Variants in DLC1 observed in about 807,000 individuals in gnomAD.
DLC1 encodes DLC1 Rho GTPase activating protein.
In DLC1, 54 loss-of-function variants were observed where a neutral mutation model predicts 140.3. That is an observed-to-expected ratio of 0.38 (90% CI 0.31 to 0.48). The LOEUF (loss-of-function observed/expected upper bound fraction) is 0.48. DLC1 is among the 20% of genes least tolerant of loss of function. DLC1 has a pLI of 0.96. For missense variants in DLC1, 2,536 were observed against 1,907.0 expected, an observed-to-expected ratio of 1.33 and a Z score of -6.14; for synonymous variants, 986 against 728.1, an observed-to-expected ratio of 1.35 and a Z score of -5.70.
chr8:13,097,203 C>A (rs931715827), intron 10 of DLC1, among the ~76,000 whole-genome samples: 2 of 151,804 alleles, frequency 1.3e-5, no homozygotes, highest in African/African-American at 4.8e-5. Context: ...AAAAAGTAAC[C>A]TGAATTCTTT....
intron 5 of DLC1, among the ~76,000 whole-genome samples, chr8:13,219,158 A>ATGTGAATATAATTATATG (rs374583105): frequency 2.2e-5 from 1 of 45,838 alleles, no homozygotes; most frequent in African/African-American, 1.0e-4. Context: ...ATATAATTAT[A>ATGTGAATATAATTATATG]TGAATATAAC....
intron 4 of DLC1, among the ~76,000 whole-genome samples, chr8:13,334,406 A>T (rs1227903576): frequency 2.0e-5 from 3 of 152,138 alleles, no homozygotes; most frequent in Non-Finnish European, 2.9e-5. Flanking sequence ...TGTTGGCAGA[A>T]ATGGGGAGCA....
chr8:13,495,592 C>G (rs950798659), intron 2 of DLC1, among the ~76,000 whole-genome samples: 1 of 152,064 alleles, frequency 6.6e-6, no homozygotes. Context: ...TTGTGATCCC[C>G]TATATACTAC....
chr8:13,174,266 C>T lies in DLC1; in HGVS notation c.1349-58609G>A, dbSNP rs572752329. 2.0e-5 allele frequency among the ~76,000 whole-genome samples: 3 copies of T among 152,290 alleles called. No homozygotes were observed. The East Asian group carries it at 5.8e-4, about 29-fold the overall frequency. On this transcript the variant is annotated intron_variant, in intron 5 of 17. Coordinates refer to ENST00000276297, the MANE Select transcript of DLC1 (RefSeq NM_182643.3). The stretch of plus-strand genomic sequence containing the variant: ...ACATTTTCTTTATCCAACCCACTGT[C>T]GATGAGCACCTAGGTTGATTCTATG...
chr8:13,576,401 C>T (rs1804837708), intron 1 of DLC1, among the ~76,000 whole-genome samples: 1 of 152,060 alleles, frequency 6.6e-6, no homozygotes, highest in Non-Finnish European at 1.5e-5. Context: ...GACACAATTC[C>T]AGAAGGAACA....
chr8:13,396,261 G>C (rs12679709), intron 3 of DLC1, among the ~76,000 whole-genome samples: 35,558 of 151,488 alleles, frequency 0.23, 4,813 homozygotes, highest in Admixed American at 0.29. Context: ...GGGTTTCATC[G>C]TATTAGCCAG....
intron 2 of DLC1, among the ~76,000 whole-genome samples, chr8:13,495,005 C>A (rs928526977): frequency 6.6e-6 from 1 of 152,062 alleles, no homozygotes; most frequent in African/African-American, 2.4e-5. Flanking sequence ...CCCTAACATT[C>A]ATTTAATTTG....
intron 5 of DLC1, among the ~76,000 whole-genome samples, chr8:13,240,762 C>T (rs774146226): frequency 6.6e-6 from 1 of 152,148 alleles, no homozygotes; most frequent in South Asian, 2.1e-4. Context: ...GTAACTTTCA[C>T]TGCCTAAGTT....
intron 1 of DLC1, among the ~76,000 whole-genome samples, chr8:13,587,074 G>A (rs1202326571): frequency 1.2e-5 from 1 of 83,136 alleles, no homozygotes; most frequent in Non-Finnish European, 2.4e-5. Context: ...TGGGAAAATA[G>A]TTTACACACA....
chr8:13,570,148 G>C (rs918964982), intron 1 of DLC1, among the ~76,000 whole-genome samples: 1 of 152,166 alleles, frequency 6.6e-6, no homozygotes, highest in African/African-American at 2.4e-5. Context: ...AGGTCACATA[G>C]TGGTTCTTTA....
At chr8:13,373,976 G>A (rs537693902) in intron 4 of DLC1, among the ~76,000 whole-genome samples, 33 of 152,260 alleles carry the variant, frequency 2.2e-4, no homozygotes, top group African/African-American at 7.9e-4. Context: ...TTGCAAAGAT[G>A]TCATCTAAGT....
chr8:13,164,573 A>G (rs59956058), intron 5 of DLC1, among the ~76,000 whole-genome samples: 1,816 of 152,252 alleles, frequency 0.012, 34 homozygotes, highest in African/African-American at 0.038. Flanking sequence ...GATCTTATCT[A>G]TATGAGCATA....
rs139851287 is a variant in DLC1 at position 13,088,591 on chromosome 8, C to T, written c.4188G>A (p.Leu1396=). The T allele has an allele frequency of 1.9e-6, 3 of 1,614,046 alleles. No homozygotes were observed. Among genetic ancestry groups the T allele is most frequent in the South Asian group, 1.1e-5 (1 of 91,074 alleles). The change falls in exon 16 of 18, where the codon CTG becomes CTA. Residue 1396 remains leucine (L), a synonymous_variant. Coordinates refer to ENST00000276297, the MANE Select transcript of DLC1 (RefSeq NM_182643.3). ...GAATTTCGATCACTTTTGAATCCAA[C>T]AGGTCTACATCCCAGAGGTGCTGTT... ...LKEQHLWDVD[L]LDSKVIEILD...
intron 5 of DLC1, among the ~76,000 whole-genome samples, chr8:13,280,250 T>C (rs1447512592): frequency 7.8e-6 from 1 of 128,704 alleles, no homozygotes; most frequent in East Asian, 2.3e-4. Flanking sequence ...ATCGCACCAC[T>C]GCACTCCAGC....
intron 14 of DLC1, 131 bp from the exon 15 acceptor site, chr8:13,090,601 G>T: frequency 9.7e-7 from 1 of 1,033,760 alleles, no homozygotes; most frequent in East Asian, 2.6e-5. Flanking sequence ...CCCGCCGGAG[G>T]TGGGCTATCA....
intron 5 of DLC1, among the ~76,000 whole-genome samples, chr8:13,299,293 A>C (rs1436828100): frequency 6.6e-6 from 1 of 151,714 alleles, no homozygotes; most frequent in Non-Finnish European, 1.5e-5. Context: ...AAATATAAAA[A>C]AAAAATTAGC....
chr8:13,526,637 C>G (rs765956412), intron 1 of DLC1, among the ~76,000 whole-genome samples: 20 of 151,986 alleles, frequency 1.3e-4, no homozygotes, highest in Non-Finnish European at 2.4e-4. Context: ...ATGGATGAAG[C>G]TGGAAAACAT....
At chr8:13,553,880 C>T (rs1234745923) in intron 1 of DLC1, among the ~76,000 whole-genome samples, 1 of 151,712 alleles carries the variant, frequency 6.6e-6, no homozygotes, top group East Asian at 1.9e-4. Flanking sequence ...TATATTTGAA[C>T]ACTTCCTTCT....
chr8:13,499,848 C>T lies in DLC1; in HGVS notation c.224G>A (p.Gly75Glu), dbSNP rs1375412179. The T allele has an allele frequency of 1.2e-6, 2 of 1,614,056 alleles. No individual in the cohort carries two copies. Among genetic ancestry groups the T allele is most frequent in the South Asian group, 1.1e-5 (1 of 91,088 alleles). Reference sequence around the variant, plus strand: ...CTTTGAAAGATGACCCATTGGCCTCCCAGGAAAATCTCTCAGCTCTGATCC... The same window carrying T: ...CTTTGAAAGATGACCCATTGGCCTCTCAGGAAAATCTCTCAGCTCTGATCC... Reference protein sequence around the residue: ...CHGSELRDFPGRPMGHLSKDV... With the variant: ...CHGSELRDFPERPMGHLSKDV... The change falls in exon 2 of 18, where the codon GGG becomes GAG. Residue 75 changes from glycine to glutamate, a missense_variant. Coordinates refer to ENST00000276297, the MANE Select transcript of DLC1 (RefSeq NM_182643.3).
Sources: gnomAD v4.1 joint callset for allele counts (sites outside exome capture counted in the v4.1 genomes callset) on GRCh38, gnomAD v4.1.1 for gene constraint, MANE v1.5 for transcripts, NCBI Gene and HGNC (gene_info 2026-07-23, HGNC 2026-07-21) for gene names.